The following DENND1A variants were observed in gnomAD, a reference collection of about 807,000 sequenced individuals.
The protein encoded by DENND1A is DENN domain-containing protein 1A.
In DENND1A, 51 loss-of-function variants were observed where a neutral mutation model predicts 113.7. The ratio of observed to expected loss-of-function variants is 0.45; its 90% CI spans 0.36 to 0.57. The LOEUF (loss-of-function observed/expected upper bound fraction) is 0.57. Among genes scored for constraint, DENND1A ranks in the 20% least tolerant of loss-of-function variants. The pLI, the probability that DENND1A is intolerant of heterozygous loss-of-function variation, is 0.00. For missense variants in DENND1A, 1,258 were observed against 1,395.9 expected, an observed-to-expected ratio of 0.90 and a Z score of 1.57; for synonymous variants, 565 against 570.8, an observed-to-expected ratio of 0.99 and a Z score of 0.14.
intron 1 of DENND1A, among the ~76,000 whole-genome samples, chr9:123,893,846 A>T (rs1022024000): frequency 6.6e-6 from 1 of 152,208 alleles, no homozygotes; most frequent in African/African-American, 2.4e-5. Context: ...ATCTCCTAAC[A>T]ATGTCCTATT....
In DENND1A at chr9:123,652,067, G is replaced by A. The variant is rs148211897; in HGVS notation, c.564C>T (p.Tyr188=). ...AVDVNNMLHL[Y]ASMLYERRIL... is the part of the protein sequence containing the mutation. ...TCCGGCGTTCGTACAGCATACTGGC[G>A]TACAGATGCAACATGTTGTTAACAT... The change falls in exon 9 of 24, where the codon TAC becomes TAT. Residue 188 remains tyrosine (Y), a synonymous_variant. Transcript: ENST00000394215. The A allele has an allele frequency of 3.5e-5, 56 of 1,613,964 alleles. No homozygotes were observed. The highest frequency in any genetic ancestry group is 1.8e-4 in the Admixed American group (11 of 60,006).
intron 1 of DENND1A, among the ~76,000 whole-genome samples, chr9:123,895,807 C>T (rs1436551272): frequency 6.6e-6 from 1 of 152,136 alleles, no homozygotes; most frequent in African/African-American, 2.4e-5. Flanking sequence ...AACGAACATT[C>T]AGCCTAAGGA....
intron 13 of DENND1A, among the ~76,000 whole-genome samples, chr9:123,461,388 T>G (rs17284397): frequency 6.6e-6 from 1 of 152,108 alleles, no homozygotes; most frequent in African/African-American, 2.4e-5. Context: ...ACGAAATGAG[T>G]TGAACCCTGC....
At chr9:123,873,423 A>T (rs776210867) in intron 2 of DENND1A, among the ~76,000 whole-genome samples, 1 of 152,240 alleles carries the variant, frequency 6.6e-6, no homozygotes, top group East Asian at 1.9e-4. Flanking sequence ...GACAGTTTAC[A>T]ATACATGACT....
At chr9:123,490,713 T>C (rs943545753) in intron 13 of DENND1A, among the ~76,000 whole-genome samples, 1 of 152,268 alleles carries the variant, frequency 6.6e-6, no homozygotes, top group Non-Finnish European at 1.5e-5. Flanking sequence ...CATAATGTAT[T>C]TTATTTTATA....
At chr9:123,451,860 C>A (rs2047740857) in intron 17 of DENND1A, among the ~76,000 whole-genome samples, 2 of 152,174 alleles carry the variant, frequency 1.3e-5, no homozygotes, top group African/African-American at 4.8e-5. Flanking sequence ...AAGAGCTCAG[C>A]AGCCTGAGTC....
rs1409878286 is a variant in DENND1A, at chr9:123,721,246, C to T, written c.302+36457G>A. 4.6e-5 allele frequency among the ~76,000 whole-genome samples: 7 copies of T among 152,222 alleles called. No individual in the cohort carries two copies. In the South Asian group the frequency reaches 1.2e-3, roughly 27 times the overall value. On this transcript the variant is annotated intron_variant, in intron 5 of 23. Coordinates refer to ENST00000394215, the MANE Select transcript of DENND1A (RefSeq NM_001352964.2). ...TGACTTCAGGATCAAGTCCAAAAGC[C>T]ACCACATGACCTGTGAGGTCCTTGC... is the stretch of plus-strand genomic sequence containing the variant.
chr9:123,516,683 C>T (rs769180659), intron 13 of DENND1A, among the ~76,000 whole-genome samples: 2 of 151,672 alleles, frequency 1.3e-5, no homozygotes, highest in African/African-American at 2.4e-5. Context: ...GTCAGGAGAT[C>T]GAGACTATCC....
intron 10 of DENND1A, among the ~76,000 whole-genome samples, chr9:123,611,588 A>T (rs1169308765): frequency 6.6e-6 from 1 of 152,214 alleles, no homozygotes; most frequent in Non-Finnish European, 1.5e-5. Context: ...TAGAAGGGAG[A>T]AAGCACAAAT....
At chr9:123,744,770 CTTTT>C (rs57945475) in intron 5 of DENND1A, among the ~76,000 whole-genome samples, 1 of 102,730 alleles carries the variant, frequency 9.7e-6, no homozygotes, top group African/African-American at 3.7e-5. Flanking sequence ...TATATTAGCT[CTTTT>C]TTTTTTTTTT....
intron 6 of DENND1A, among the ~76,000 whole-genome samples, chr9:123,672,936 A>C (rs951378325): frequency 6.6e-6 from 1 of 152,236 alleles, no homozygotes; most frequent in African/African-American, 2.4e-5. Flanking sequence ...TGTGCCAATA[A>C]TATCCTTGGC....
intron 17 of DENND1A, 32 bp from the exon 18 acceptor site, chr9:123,450,781 C>G (rs748182488): frequency 6.3e-7 from 1 of 1,576,924 alleles, no homozygotes; most frequent in Non-Finnish European, 8.7e-7. Context: ...GTTAAGATTC[C>G]CTTTCTGTTT....
intron 9 of DENND1A, among the ~76,000 whole-genome samples, chr9:123,636,636 T>A (rs527448876): frequency 6.6e-6 from 1 of 151,988 alleles, no homozygotes; most frequent in African/African-American, 2.4e-5. Flanking sequence ...GAGTAAATGT[T>A]TGGGGAATGG....
intron 9 of DENND1A, among the ~76,000 whole-genome samples, chr9:123,651,643 G>A (rs1214651168): frequency 1.3e-5 from 2 of 152,182 alleles, no homozygotes; most frequent in Admixed American, 6.5e-5. Flanking sequence ...CTACTAAAAG[G>A]ATTAAATCAT....
chr9:123,597,814 TC>T (rs2137262044), intron 11 of DENND1A, among the ~76,000 whole-genome samples: 1 of 152,284 alleles, frequency 6.6e-6, no homozygotes, highest in Non-Finnish European at 1.5e-5. Context: ...GAGGATGACG[TC>T]CTATGAACCC....
At chr9:123,432,268 C>A (rs1317600327) in intron 19 of DENND1A, among the ~76,000 whole-genome samples, 1 of 152,242 alleles carries the variant, frequency 6.6e-6, no homozygotes, top group African/African-American at 2.4e-5. Context: ...AAACCCCAGC[C>A]TTGTTAACCT....
In DENND1A at chr9:123,382,115, G is replaced by C. The variant is rs1489325809; in HGVS notation, c.2530C>G (p.Leu844Val). The change falls in exon 24 of 24, where the codon CTC becomes GTC. Residue 844 changes from leucine (L) to valine (V), a missense_variant. Coordinates refer to ENST00000394215, the MANE Select transcript of DENND1A (RefSeq NM_001352964.2). ...GTGCTGAGCGGGTCCAGGAGGGCGA[G>C]CAGGGCGTCACTGCTCGTGCCTGCA... Reference protein sequence around the residue: ...GAAGTSSDALLALLDPLSTAW... With the variant: ...GAAGTSSDALVALLDPLSTAW... 4 of 1,570,932 alleles carry C rather than the reference G, an allele frequency of 2.5e-6. No individual in the cohort carries two copies. The Admixed American group carries it at 7.3e-5, about 29-fold the overall frequency.
intron 4 of DENND1A, among the ~76,000 whole-genome samples, chr9:123,766,839 A>G (rs1035972223): frequency 6.6e-6 from 1 of 152,372 alleles, no homozygotes; most frequent in Non-Finnish European, 1.5e-5. Context: ...ATCTTAAAAC[A>G]ACACACGAGA....
intron 10 of DENND1A, among the ~76,000 whole-genome samples, chr9:123,617,476 T>C (rs1015910537): frequency 3.9e-5 from 6 of 152,146 alleles, no homozygotes; most frequent in South Asian, 2.1e-4. Context: ...CTTCCTGGGG[T>C]AACCTATGCA....
Sources: allele counts gnomAD v4.1 joint callset (sites outside exome capture counted in the v4.1 genomes callset), GRCh38; gene constraint gnomAD v4.1.1; transcripts MANE v1.5; gene names NCBI Gene and HGNC (gene_info 2026-07-23, HGNC 2026-07-21).